Variants in GNAZ observed in about 807,000 individuals in gnomAD.
GNAZ encodes the protein G protein subunit alpha z.
A neutral mutation model predicts 25.4 loss-of-function variants in GNAZ; 3 were observed. That is an observed-to-expected ratio of 0.12 (90% CI 0.05 to 0.30). The LOEUF (loss-of-function observed/expected upper bound fraction) is 0.30. Ranked by LOEUF, GNAZ falls within the 10% of genes least tolerant of loss-of-function variation. GNAZ has a pLI of 1.00. For missense variants in GNAZ, 241 were observed against 501.8 expected (o/e 0.48, Z 4.97); for synonymous variants, 211 against 205.7 (o/e 1.03, Z -0.22).
chr22:23,083,360 G>A (rs886948874), intron 1 of GNAZ, among the ~76,000 whole-genome samples: 2 of 152,112 alleles, frequency 1.3e-5, no homozygotes, highest in Admixed American at 6.5e-5. Flanking sequence ...GGTCAGCAGC[G>A]ACCTCAGGTC....
At chr22:23,086,854 C>A (rs1009322255) in intron 1 of GNAZ, among the ~76,000 whole-genome samples, 1 of 152,232 alleles carries the variant, frequency 6.6e-6, no homozygotes, top group African/African-American at 2.4e-5. Flanking sequence ...CAAAGGACAC[C>A]TGGCTCCTCA....
intron 2 of GNAZ, among the ~76,000 whole-genome samples, chr22:23,114,853 T>C (rs2069777154): frequency 1.3e-5 from 2 of 152,180 alleles, no homozygotes; most frequent in South Asian, 4.2e-4. Context: ...GGCTGTCTGC[T>C]TGCCTCCATC....
At chr22:23,082,286 G>C (rs958385002) in intron 1 of GNAZ, among the ~76,000 whole-genome samples, 10 of 150,412 alleles carry the variant, frequency 6.6e-5, no homozygotes, top group Non-Finnish European at 1.2e-4. Flanking sequence ...GCGCGATCTC[G>C]GCTCACTGCA....
intron 1 of GNAZ, among the ~76,000 whole-genome samples, chr22:23,075,795 G>T (rs989291759): frequency 6.6e-6 from 1 of 152,184 alleles, no homozygotes. Flanking sequence ...CCTTTCAGGA[G>T]ACCCTTGGCC....
chr22:23,113,723 G>A (rs1319976798), intron 2 of GNAZ, among the ~76,000 whole-genome samples: 1 of 152,122 alleles, frequency 6.6e-6, no homozygotes, highest in African/African-American at 2.4e-5. Flanking sequence ...GGGCCCACTC[G>A]CCCTCTCCCC....
intron 2 of GNAZ, 132 bp from the exon 3 acceptor site, chr22:23,122,955 A>G (rs1271402519): frequency 1.6e-6 from 1 of 634,466 alleles, no homozygotes; most frequent in East Asian, 2.6e-5. Context: ...TCCCCAGCAG[A>G]AGGAGGTGCC....
In GNAZ at chr22:23,094,246, T is replaced by A. The variant is rs545601569; in HGVS notation, c.-449-1001T>A. The stretch of plus-strand genomic sequence containing the variant: ...GCAAGAGGGGTGCGTGTGAGTTGGG[T>A]GGGGCCTGGTGCCACCCTGGGCTCA... On this transcript the variant is annotated intron_variant, in intron 1 of 2. Transcript: ENST00000615612. Among the ~76,000 whole-genome samples the A allele has an allele frequency of 4.6e-5, 7 of 152,136 alleles. No individual in the cohort carries two copies. The South Asian group carries it at 1.0e-3, about 23-fold the overall frequency.
chr22:23,100,850 T>G (rs751423811), intron 2 of GNAZ, among the ~76,000 whole-genome samples: 3 of 152,038 alleles, frequency 2.0e-5, no homozygotes, highest in Admixed American at 6.5e-5. Flanking sequence ...ATAACAGGAG[T>G]GTATGCAGTA....
chr22:23,091,119 A>G (rs1006524510), intron 1 of GNAZ, among the ~76,000 whole-genome samples: 1 of 152,152 alleles, frequency 6.6e-6, no homozygotes, highest in Non-Finnish European at 1.5e-5. Context: ...CACACGCACA[A>G]CCACATGCAG....
intron 1 of GNAZ, among the ~76,000 whole-genome samples, chr22:23,086,057 T>C (rs1218923630): frequency 6.6e-6 from 1 of 152,290 alleles, no homozygotes; most frequent in Non-Finnish European, 1.5e-5. Flanking sequence ...TACACTGTTT[T>C]GTATTTAGAT....
rs554937289 is a variant in GNAZ, at chr22:23,072,141, G to A, written c.-450+1571G>A. 3.6e-4 allele frequency among the ~76,000 whole-genome samples: 55 copies of A among 152,240 alleles called. No homozygotes were observed. The South Asian group carries it at 6.6e-3, about 18-fold the overall frequency. On this transcript the variant is annotated intron_variant, in intron 1 of 2. Transcript: ENST00000615612. ...CTGTGCTTCCAGGCACTTCTCCCTC[G>A]GGCACAGCCAGGGCACTGGGTAACC...
At chr22:23,093,437 C>T (rs778305410) in intron 1 of GNAZ, among the ~76,000 whole-genome samples, 1 of 152,192 alleles carries the variant, frequency 6.6e-6, no homozygotes, top group Non-Finnish European at 1.5e-5. Context: ...GAGGCCAGGA[C>T]GGGCCCTCCT....
intron 2 of GNAZ, among the ~76,000 whole-genome samples, chr22:23,116,383 C>T (rs1339009569): frequency 1.3e-5 from 2 of 152,232 alleles, no homozygotes; most frequent in East Asian, 1.9e-4. Flanking sequence ...CGTGGCTACG[C>T]GCCTGTGACA....
At chr22:23,118,235 C>T (rs1299386846) in intron 2 of GNAZ, among the ~76,000 whole-genome samples, 1 of 152,240 alleles carries the variant, frequency 6.6e-6, no homozygotes, top group Non-Finnish European at 1.5e-5. Flanking sequence ...GGCCTGGTTA[C>T]AAATCACCTC....
At chr22:23,084,209 G>A (rs1163234729) in intron 1 of GNAZ, among the ~76,000 whole-genome samples, 2 of 152,172 alleles carry the variant, frequency 1.3e-5, no homozygotes, top group Non-Finnish European at 2.9e-5. Flanking sequence ...AACTTAGGAT[G>A]GTTTGACTTG....
At chr22:23,091,278 ACT>A (rs1174861350) in intron 1 of GNAZ, among the ~76,000 whole-genome samples, 2 of 152,180 alleles carry the variant, frequency 1.3e-5, no homozygotes, top group Non-Finnish European at 2.9e-5. Context: ...ATGCACCTGC[ACT>A]CTCACAGACA....
intron 2 of GNAZ, among the ~76,000 whole-genome samples, chr22:23,121,364 C>T (rs2070019670): frequency 6.6e-6 from 1 of 152,170 alleles, no homozygotes; most frequent in South Asian, 2.1e-4. Flanking sequence ...AGAGCTGTTC[C>T]TCAGAGAACT....
intron 2 of GNAZ, among the ~76,000 whole-genome samples, chr22:23,113,325 C>T (rs910823687): frequency 6.6e-6 from 1 of 152,254 alleles, no homozygotes; most frequent in African/African-American, 2.4e-5. Context: ...AGCACTCTGG[C>T]CAGCACCGCC....
chr22:23,097,507 C>T (rs1053443026), intron 2 of GNAZ, among the ~76,000 whole-genome samples: 1 of 152,250 alleles, frequency 6.6e-6, no homozygotes, highest in Non-Finnish European at 1.5e-5. Flanking sequence ...CCCCTCCTCG[C>T]ATCAGGGGTC....
Sources: gnomAD v4.1 joint callset for allele counts (sites outside exome capture counted in the v4.1 genomes callset) on GRCh38, gnomAD v4.1.1 for gene constraint, MANE v1.5 for transcripts, NCBI Gene and HGNC (gene_info 2026-07-23, HGNC 2026-07-21) for gene names.